Variants in TANC2 observed in about 807,000 individuals in gnomAD.
TANC2 encodes the protein tetratricopeptide repeat, ankyrin repeat and coiled-coil containing 2.
Under a neutral mutation model 210.5 loss-of-function variants are expected in TANC2, and 26 were observed. The ratio of observed to expected loss-of-function variants is 0.12; its 90% confidence interval spans 0.09 to 0.17. The LOEUF is 0.17. TANC2 is among the 10% of genes least tolerant of loss of function. TANC2 has a pLI of 1.00. For missense variants in TANC2, 2,129 were observed against 2,608.9 expected, an observed-to-expected ratio of 0.82 and a Z score of 4.01; for synonymous variants, 931 against 967.1, an observed-to-expected ratio of 0.96 and a Z score of 0.69.
At chr17:62,969,660 A>C (rs2031573570) in intron 1 of TANC2, among the ~76,000 whole-genome samples, 1 of 152,058 alleles carries the variant, frequency 6.6e-6, no homozygotes, top group Admixed American at 6.5e-5. Context: ...GGAACTTCAG[A>C]GGTAAAAAGT....
intron 4 of TANC2, among the ~76,000 whole-genome samples, chr17:63,137,950 T>C (rs540240608): frequency 2.0e-5 from 3 of 152,336 alleles, no homozygotes; most frequent in African/African-American, 4.8e-5. Flanking sequence ...CAAAGAATAC[T>C]ATCTTTTTAT....
chr17:63,326,101 G>A (rs2146673893), intron 11 of TANC2, among the ~76,000 whole-genome samples: 1 of 152,286 alleles, frequency 6.6e-6, no homozygotes, highest in East Asian at 1.9e-4. Context: ...CTCAGCTACA[G>A]CTAATTAAAC....
Position 63,132,163 on chromosome 17 carries a change from A to T in TANC2, c.323-19107A>T, listed in dbSNP as rs115735485. 8.5e-3 allele frequency among the ~76,000 whole-genome samples: 1,299 copies of T among 152,236 alleles called. 16 individuals carry two copies. The highest frequency in any genetic ancestry group is 0.029 in the African/African-American group (1,191 of 41,540). On this transcript the variant is annotated intron_variant, in intron 4 of 27. Transcript: ENST00000689528. ...CAAGAAGATGTATCGATTTATTTCT[A>T]TTGAGATTTGCTGTTTAGCTTCCAT... is the stretch of plus-strand genomic sequence containing the variant.
At chr17:63,266,956 C>T (rs1230935778) in intron 8 of TANC2, among the ~76,000 whole-genome samples, 2 of 152,024 alleles carry the variant, frequency 1.3e-5, no homozygotes, top group Non-Finnish European at 2.9e-5. Context: ...CTCAATCAAT[C>T]CTCCCATCTG....
chr17:63,103,617 A>G (rs2037714562), intron 4 of TANC2, among the ~76,000 whole-genome samples: 3 of 152,198 alleles, frequency 2.0e-5, no homozygotes, highest in Non-Finnish European at 4.4e-5. Flanking sequence ...TCTTATTCTT[A>G]TAATCACATT....
At chr17:63,116,142 G>C (rs1318230912) in intron 4 of TANC2, among the ~76,000 whole-genome samples, 1 of 152,060 alleles carries the variant, frequency 6.6e-6, no homozygotes. Flanking sequence ...AATGGTGATG[G>C]AAAAGTAACA....
chr17:63,036,773 G>T (rs1443360803), intron 2 of TANC2, among the ~76,000 whole-genome samples: 2 of 150,588 alleles, frequency 1.3e-5, no homozygotes, highest in African/African-American at 4.9e-5. Context: ...GTTCTTCCTT[G>T]ATATTTTTCA....
intron 11 of TANC2, among the ~76,000 whole-genome samples, chr17:63,327,378 A>G (rs775362260): frequency 2.6e-5 from 4 of 152,244 alleles, no homozygotes; most frequent in Non-Finnish European, 5.9e-5. Flanking sequence ...CCAAGTATAT[A>G]TGCAAAGAAA....
At chr17:63,321,744 T>TG (rs1454183382) in intron 11 of TANC2, among the ~76,000 whole-genome samples, 2 of 152,306 alleles carry the variant, frequency 1.3e-5, no homozygotes, top group Non-Finnish European at 2.9e-5. Flanking sequence ...ATCTCTACCT[T>TG]GCTCAATGTG....
intron 1 of TANC2, among the ~76,000 whole-genome samples, chr17:62,979,264 C>T (rs1339467465): frequency 6.6e-6 from 1 of 152,114 alleles, no homozygotes; most frequent in African/African-American, 2.4e-5. Flanking sequence ...CCAGTAATTC[C>T]TGTCTTTATA....
chr17:63,078,555 T>A (rs1250295668), intron 3 of TANC2, among the ~76,000 whole-genome samples: 1 of 152,170 alleles, frequency 6.6e-6, no homozygotes, highest in Non-Finnish European at 1.5e-5. Flanking sequence ...TGTTATAAAT[T>A]TCTGTTTACT....
At chr17:63,400,675 ACT>A (rs2048315434) in intron 19 of TANC2, among the ~76,000 whole-genome samples, 1 of 151,314 alleles carries the variant, frequency 6.6e-6, no homozygotes, top group Admixed American at 6.6e-5. Context: ...ACGGAGTCTC[ACT>A]CTGTCCCCCA....
intron 4 of TANC2, among the ~76,000 whole-genome samples, chr17:63,132,753 G>A (rs903894324): frequency 6.6e-6 from 1 of 152,114 alleles, no homozygotes; most frequent in Non-Finnish European, 1.5e-5. Flanking sequence ...TTTACTCAGG[G>A]TTAGAATTAC....
At chr17:63,327,777 G>A (rs1046901893) in intron 11 of TANC2, among the ~76,000 whole-genome samples, 1 of 151,994 alleles carries the variant, frequency 6.6e-6, no homozygotes, top group African/African-American at 2.4e-5. Context: ...AATCATTCAT[G>A]GTTTTTTTTA....
chr17:63,357,138 T>C (rs2046804341), intron 14 of TANC2, among the ~76,000 whole-genome samples: 1 of 152,190 alleles, frequency 6.6e-6, no homozygotes, highest in Admixed American at 6.5e-5. Context: ...ACTATGTATA[T>C]AGGAAAAAGA....
Position 63,411,715 on chromosome 17 carries a change from A to T in TANC2, c.3765+29A>T. ...AGTACCTTTAAACAAGCCTCAAGAG[A>T]GCAGAGAGAGGGGCTATTCTCCATC... On this transcript the variant is annotated intron_variant, in intron 22 of 27. Transcript: ENST00000689528. 3 of 1,586,022 alleles carry T rather than the reference A, an allele frequency of 1.9e-6. No individual in the cohort carries two copies. The East Asian group carries it at 6.7e-5, about 35-fold the overall frequency.
At chr17:63,119,635 CTTCT>C (rs1475358127) in intron 4 of TANC2, among the ~76,000 whole-genome samples, 3 of 152,182 alleles carry the variant, frequency 2.0e-5, no homozygotes, top group East Asian at 1.9e-4. Context: ...TAAGTTAATG[CTTCT>C]TTATGACTAT....
chr17:63,315,262 A>G (rs1478376175), intron 10 of TANC2, among the ~76,000 whole-genome samples: 1 of 152,204 alleles, frequency 6.6e-6, no homozygotes, highest in Non-Finnish European at 1.5e-5. Flanking sequence ...GGTACTTACT[A>G]TGTGCCAGAT....
At chr17:63,400,076 C>G (rs1243685146) in intron 19 of TANC2, among the ~76,000 whole-genome samples, 2 of 152,224 alleles carry the variant, frequency 1.3e-5, no homozygotes, top group African/African-American at 4.8e-5. Context: ...ATCAGCCGCT[C>G]TGGAGTATGC....
Sources: allele counts gnomAD v4.1 joint callset (sites outside exome capture counted in the v4.1 genomes callset), GRCh38; gene constraint gnomAD v4.1.1; transcripts MANE v1.5; gene names NCBI Gene and HGNC (gene_info 2026-07-23, HGNC 2026-07-21).